NSD1: variants seen among roughly 807,000 people sequenced by gnomAD.
NSD1 encodes the protein histone-lysine N-methyltransferase, H3 lysine-36 specific.
In NSD1, 26 loss-of-function variants were observed where a neutral mutation model predicts 242.7. The ratio of observed to expected loss-of-function variants is 0.11; its 90% CI spans 0.08 to 0.15. The LOEUF (loss-of-function observed/expected upper bound fraction) is 0.15. NSD1 is among the 10% of genes least tolerant of loss of function. NSD1 has a pLI of 1.00. For missense variants in NSD1, 2,495 were observed against 3,272.8 expected, an observed-to-expected ratio of 0.76 and a Z score of 5.80; for synonymous variants, 1,106 against 1,178.1, an observed-to-expected ratio of 0.94 and a Z score of 1.25.
intron 2 of NSD1, among the ~76,000 whole-genome samples, chr5:177,176,316 A>G (rs1467841230): frequency 2.7e-5 from 4 of 150,452 alleles, no homozygotes; most frequent in Admixed American, 6.6e-5. Flanking sequence ...CTGGAGTGCA[A>G]TGGCACGATC....
At chr5:177,256,369 ACCTT>A (rs1756464420) in intron 12 of NSD1, among the ~76,000 whole-genome samples, 2 of 135,832 alleles carry the variant, frequency 1.5e-5, no homozygotes, top group Non-Finnish European at 3.0e-5. Flanking sequence ...GTAAACCTCC[ACCTT>A]CCAGGCTCAA....
chr5:177,207,081 C>G (rs1194983524), intron 4 of NSD1, among the ~76,000 whole-genome samples: 1 of 151,740 alleles, frequency 6.6e-6, no homozygotes, highest in Non-Finnish European at 1.5e-5. Context: ...AGATTACAGG[C>G]TTGCGCCACC....
chr5:177,235,752 G>A (rs1346877020), intron 5 of NSD1, 69 bp from the exon 6 acceptor site: 2 of 1,602,468 alleles, frequency 1.2e-6, no homozygotes, highest in African/African-American at 1.3e-5. Flanking sequence ...AGTATCAGAT[G>A]GTCTCATAAA....
chr5:177,216,334 AT>A (rs1046129051), intron 5 of NSD1, among the ~76,000 whole-genome samples: 75 of 148,660 alleles, frequency 5.0e-4, no homozygotes, highest in African/African-American at 1.6e-3. Flanking sequence ...AGTTAATGTG[AT>A]TTTTTTTTTC....
chr5:177,266,109 G>C, intron 14 of NSD1: 1 of 1,123,054 alleles, frequency 8.9e-7, no homozygotes, highest in South Asian at 1.2e-5. Flanking sequence ...AGTGTGGCCC[G>C]TTCTGGGAAG....
intron 2 of NSD1, among the ~76,000 whole-genome samples, chr5:177,160,980 G>T (rs1033639687): frequency 6.6e-6 from 1 of 152,034 alleles, no homozygotes; most frequent in African/African-American, 2.4e-5. Context: ...TGTTGGCCAG[G>T]CTAGTCTCAA....
chr5:177,285,661 G>A (rs1331784656), intron 20 of NSD1, among the ~76,000 whole-genome samples: 1 of 151,174 alleles, frequency 6.6e-6, no homozygotes, highest in African/African-American at 2.4e-5. Context: ...GCAAGGATAT[G>A]AGCAAAACAG....
chr5:177,168,756 C>T (rs946118610), intron 2 of NSD1, among the ~76,000 whole-genome samples: 1 of 152,094 alleles, frequency 6.6e-6, no homozygotes, highest in South Asian at 2.1e-4. Context: ...CCACCATGCC[C>T]GACCAGTGTG....
At chr5:177,191,706 G>A (rs1761710548) in intron 2 of NSD1, among the ~76,000 whole-genome samples, 178 bp from the exon 3 acceptor site, 1 of 152,138 alleles carries the variant, frequency 6.6e-6, no homozygotes, top group Non-Finnish European at 1.5e-5. Context: ...AAAGGGCTAT[G>A]TTATGAACAA....
At position 177,192,698 on chromosome 5, in the gene NSD1, T is replaced by G. The variant is rs183762623; in HGVS notation, c.1063+679T>G. On this transcript the variant is annotated intron_variant, in intron 3 of 22. Transcript: ENST00000439151. ...GGCATGAGCCCTGCACCAGGCCTAA[T>G]TTTTGTATTTTTAGTAGAGACGGGG... 1.2e-3 allele frequency among the ~76,000 whole-genome samples: 177 copies of G among 152,284 alleles called. 3 individuals carry two copies. The highest frequency in any genetic ancestry group is 1.3e-3 in the Non-Finnish European group (90 of 68,022).
At chr5:177,147,676 G>A (rs1757368023) in intron 2 of NSD1, among the ~76,000 whole-genome samples, 1 of 151,418 alleles carries the variant, frequency 6.6e-6, no homozygotes, top group South Asian at 2.1e-4. Flanking sequence ...TGCAACCTCC[G>A]CCTCCCAGGT....
rs1308065621 is a variant in NSD1, at chr5:177,244,356, T to G, written c.4378+86T>G. On this transcript the variant is annotated intron_variant, in intron 9 of 22. Coordinates refer to ENST00000439151, the MANE Select transcript of NSD1 (RefSeq NM_022455.5). ...TTAACCACAAAAATTGTTACATGTG[T>G]AAGCCCGACCAGTGAGGTACAAGTT... 4.1e-6 allele frequency: 4 copies of G among 964,414 alleles called. No homozygotes were observed. The African/African-American group carries it at 6.4e-5, about 15-fold the overall frequency. 59.7% of individuals were successfully genotyped at this position (964,414 alleles called of 1,614,324 possible).
In NSD1 at chr5:177,238,614, C is replaced by A; in HGVS notation, c.4192+107C>A. 1.6e-6 allele frequency: 2 copies of A among 1,262,044 alleles called. No homozygotes were observed. The highest frequency in any genetic ancestry group is 2.3e-5 in the East Asian group (1 of 43,308). The allele number at this position is 1,262,044 out of a possible 1,614,324, so 78.2% of individuals were successfully genotyped here. ...CAACATTGTATCTATATACAATAAA[C>A]TACCCCCTTTTGTCCTGGGAAATAC... On this transcript the variant is annotated intron_variant, in intron 7 of 22. Transcript: ENST00000439151. The surrounding 1 kb of genome is among the most constrained non-coding windows in gnomAD (Gnocchi z 4.6).
Position 177,209,707 on chromosome 5 carries a change from G to T in NSD1, c.1308G>T (p.Gly436=). ...CAGAACAGTATGATGTTCCCAAGGGGTCAAAGAACCGAAAATGTATTCCTG... is the reference window on the plus strand; with the variant it reads ...CAGAACAGTATGATGTTCCCAAGGGTTCAAAGAACCGAAAATGTATTCCTG... ...GLAEQYDVPK[G]SKNRKCIPGS... is the part of the protein sequence containing the mutation. Residue 436 remains glycine, a synonymous_variant, in exon 5 of 23, where the codon GGG becomes GGT. Coordinates refer to ENST00000439151, the MANE Select transcript of NSD1 (RefSeq NM_022455.5). 6.2e-7 allele frequency: 1 copy of T among 1,614,030 alleles called. No homozygotes were observed. Among genetic ancestry groups the T allele is most frequent in the South Asian group, 1.1e-5 (1 of 91,078 alleles).
chr5:177,238,598 A>G lies in NSD1; in HGVS notation c.4192+91A>G. On this transcript the variant is annotated intron_variant, in intron 7 of 22. Coordinates refer to ENST00000439151, the MANE Select transcript of NSD1 (RefSeq NM_022455.5). The surrounding 1 kb of genome is among the most constrained non-coding windows in gnomAD (Gnocchi z 4.6). ...TGTTTTGATGTAAAGCCAACATTGT[A>G]TCTATATACAATAAACTACCCCCTT... The G allele has an allele frequency of 1.4e-6, 2 of 1,430,782 alleles. No homozygotes were observed. Among genetic ancestry groups the G allele is most frequent in the Non-Finnish European group, 1.9e-6 (2 of 1,027,720 alleles). 88.6% of individuals were successfully genotyped at this position (1,430,782 alleles called of 1,614,324 possible). A position where few individuals can be genotyped will look rare whatever the true frequency, so the allele number is the denominator to read the frequency against.
At position 177,158,471 on chromosome 5, in the gene NSD1, T is replaced by C. The variant is rs553784891; in HGVS notation, c.927+22441T>C. Among the ~76,000 whole-genome samples, 6 of 151,312 alleles carry C rather than the reference T, an allele frequency of 4.0e-5. No individual in the cohort carries two copies. In the South Asian group the frequency reaches 1.3e-3, roughly 32 times the overall value. On this transcript the variant is annotated intron_variant, in intron 2 of 22. Transcript: ENST00000439151. ...CTCTGCCTCAGCCTCCCAAGTAGCT[T>C]GGACTACAGGCGCCCGCCACCACGC...
At chr5:177,290,131 A>G (rs1562303246) in intron 21 of NSD1, among the ~76,000 whole-genome samples, 1 of 149,628 alleles carries the variant, frequency 6.7e-6, no homozygotes, top group African/African-American at 2.5e-5. Context: ...CCCGGCCCTT[A>G]TATTATTATT....
In NSD1 at chr5:177,205,304, G is replaced by A. The variant is rs191623749; in HGVS notation, c.1236+1012G>A. On this transcript the variant is annotated intron_variant, in intron 4 of 22. Coordinates refer to ENST00000439151, the MANE Select transcript of NSD1 (RefSeq NM_022455.5). ...ACTCGCCTCAGCCTCCCAAAGTGCT[G>A]GGATTACAGGCGTGAGCCACTGCGC... Among the ~76,000 whole-genome samples the A allele has an allele frequency of 1.9e-3, 295 of 152,190 alleles. 1 individual carries two copies. Among genetic ancestry groups the A allele is most frequent in the African/African-American group, 6.8e-3 (284 of 41,536 alleles).
intron 13 of NSD1, among the ~76,000 whole-genome samples, chr5:177,257,842 A>ATTTTAT (rs1554199689): frequency 2.8e-5 from 4 of 143,092 alleles, no homozygotes; most frequent in Non-Finnish European, 4.6e-5. Flanking sequence ...ATTTTATTTT[A>ATTTTAT]TTTTTTTTTG....
Sources: gnomAD v4.1 joint callset for allele counts (sites outside exome capture counted in the v4.1 genomes callset) on GRCh38, gnomAD v4.1.1 for gene constraint, Gnocchi (gnomAD v3.1) non-coding constraint, MANE v1.5 for transcripts, NCBI Gene and HGNC (gene_info 2026-07-23, HGNC 2026-07-21) for gene names.